ADGRG7: variants seen among roughly 807,000 people sequenced by gnomAD.
ADGRG7 encodes G-protein coupled receptor 128.
In ADGRG7, 82 loss-of-function variants were observed where a neutral mutation model predicts 88.6. The observed-to-expected ratio is 0.93, with a 90% CI of 0.77 to 1.11. ADGRG7 has a LOEUF of 1.11. Ranked by LOEUF, ADGRG7 falls within the 50% of genes most tolerant of loss-of-function variation. The pLI, the probability that ADGRG7 is intolerant of heterozygous loss-of-function variation, is 0.00. For synonymous variants in ADGRG7, 381 were observed against 345.2 expected, an observed-to-expected ratio of 1.10 and a Z score of -1.15; for missense variants, 945 against 953.4, an observed-to-expected ratio of 0.99 and a Z score of 0.12.
intron 15 of ADGRG7, among the ~76,000 whole-genome samples, chr3:100,669,396 G>GTCTCCTCCTACTGTAA (rs1278499819): frequency 1.3e-5 from 2 of 151,886 alleles, no homozygotes; most frequent in Non-Finnish European, 2.9e-5. Context: ...GTCTCCTGTA[G>GTCTCCTCCTACTGTAA]TCTCCTCCTA....
chr3:100,686,600 C>T (rs1321240401), intron 15 of ADGRG7, among the ~76,000 whole-genome samples: 1 of 152,172 alleles, frequency 6.6e-6, no homozygotes, highest in Non-Finnish European at 1.5e-5. Flanking sequence ...ATATGGCTAG[C>T]CAGTTTTCCC....
intron 14 of ADGRG7, among the ~76,000 whole-genome samples, chr3:100,668,092 G>T (rs186719994): frequency 6.2e-4 from 95 of 152,324 alleles, no homozygotes; most frequent in Non-Finnish European, 1.2e-3. Flanking sequence ...CCCTGCTTCA[G>T]CTCTCCCTCC....
At chr3:100,624,059 C>G (rs1005941167) in intron 1 of ADGRG7, among the ~76,000 whole-genome samples, 2 of 151,912 alleles carry the variant, frequency 1.3e-5, no homozygotes, top group Non-Finnish European at 2.9e-5. Flanking sequence ...TACCCACTAA[C>G]TGGATTAGTG....
chr3:100,690,659 A>C (rs930465648), intron 15 of ADGRG7, among the ~76,000 whole-genome samples: 3 of 152,210 alleles, frequency 2.0e-5, no homozygotes, highest in Non-Finnish European at 4.4e-5. Flanking sequence ...CCTGGGTATC[A>C]GCAGTGGTGG....
chr3:100,683,162 A>T (rs1576338930), intron 15 of ADGRG7, among the ~76,000 whole-genome samples: 1 of 152,090 alleles, frequency 6.6e-6, no homozygotes, highest in East Asian at 1.9e-4. Flanking sequence ...CGTCCTGCTC[A>T]CCCTCCACTT....
intron 1 of ADGRG7, among the ~76,000 whole-genome samples, chr3:100,612,525 T>A (rs144290251): frequency 3.4e-4 from 52 of 152,342 alleles, no homozygotes; most frequent in Middle Eastern, 3.4e-3. Context: ...TAAGCTTTAT[T>A]ATATTTCTTC....
intron 3 of ADGRG7, among the ~76,000 whole-genome samples, chr3:100,631,672 C>T (rs1486343548): frequency 6.6e-6 from 1 of 152,124 alleles, no homozygotes; most frequent in Non-Finnish European, 1.5e-5. Flanking sequence ...CGGCAATGGC[C>T]CTGAAGAGAA....
At chr3:100,681,290 G>C (rs1280353463) in intron 15 of ADGRG7, among the ~76,000 whole-genome samples, 5 of 150,200 alleles carry the variant, frequency 3.3e-5, no homozygotes, top group Non-Finnish European at 7.4e-5. Flanking sequence ...GTTATTGAAA[G>C]ACATCTTTTC....
chr3:100,632,811 GA>G (rs1202317806), intron 3 of ADGRG7, among the ~76,000 whole-genome samples: 2 of 152,000 alleles, frequency 1.3e-5, no homozygotes, highest in Non-Finnish European at 2.9e-5. Context: ...ATAATCCTAG[GA>G]AATAAACCAA....
chr3:100,654,907 C>A lies in ADGRG7; in HGVS notation c.1452C>A (p.Leu484=). 1 of 1,614,086 alleles carries A rather than the reference C, an allele frequency of 6.2e-7. No homozygotes were observed. The highest frequency in any genetic ancestry group is 8.5e-7 in the Non-Finnish European group (1 of 1,179,968). The change falls in exon 12 of 16, where the codon CTC becomes CTA. Residue 484 remains leucine (L), a synonymous_variant. Coordinates refer to ENST00000273352, the MANE Select transcript of ADGRG7 (RefSeq NM_032787.3). ...TATCAATGTTGATTTTCAACCTCCTCTTTGTGTTTGGAATTGAAAACTCCA... is the reference window on the plus strand; with the variant it reads ...TATCAATGTTGATTTTCAACCTCCTATTTGTGTTTGGAATTGAAAACTCCA... The part of the protein sequence containing the change: ...LCISMLIFNL[L]FVFGIENSNK...
At chr3:100,642,891 G>A (rs1485344763) in intron 6 of ADGRG7, among the ~76,000 whole-genome samples, 1 of 152,190 alleles carries the variant, frequency 6.6e-6, no homozygotes, top group Non-Finnish European at 1.5e-5. Flanking sequence ...AATGGAAATG[G>A]ATTCTCACCA....
At chr3:100,621,178 A>G (rs1294220672) in intron 1 of ADGRG7, among the ~76,000 whole-genome samples, 2 of 152,162 alleles carry the variant, frequency 1.3e-5, no homozygotes, top group Non-Finnish European at 2.9e-5. Context: ...CCCGAGACAC[A>G]ACATCGTTGA....
intron 11 of ADGRG7, among the ~76,000 whole-genome samples, chr3:100,650,243 T>A (rs952012681): frequency 6.6e-6 from 1 of 152,216 alleles, no homozygotes; most frequent in Non-Finnish European, 1.5e-5. Context: ...TGGTGAAAGT[T>A]TTTGAATCCC....
At chr3:100,682,930 A>G (rs1486971041) in intron 15 of ADGRG7, among the ~76,000 whole-genome samples, 1 of 152,200 alleles carries the variant, frequency 6.6e-6, no homozygotes, top group East Asian at 1.9e-4. Flanking sequence ...GGGTGCCATG[A>G]ATAGAGGCAG....
chr3:100,643,271 T>C lies in ADGRG7; in HGVS notation c.704T>C (p.Ile235Thr), dbSNP rs376767128. The C allele has an allele frequency of 1.7e-4, 273 of 1,612,812 alleles. No homozygotes were observed. The highest frequency in any genetic ancestry group is 2.3e-4 in the Non-Finnish European group (267 of 1,179,528). ...TTGTGTTTTATTATATGCAGGCTTATTGAGCAAATGGAGACTTATTCCTTG... is the reference window on the plus strand; with the variant it reads ...TTGTGTTTTATTATATGCAGGCTTACTGAGCAAATGGAGACTTATTCCTTG... ...TANDDALTTL[I>T]EQMETYSLSL... The change falls in exon 7 of 16, where the codon ATT becomes ACT. Residue 235 changes from isoleucine to threonine, a missense_variant. By Grantham distance (89) the Ile-to-Thr change is moderately conservative. Transcript: ENST00000273352.
At chr3:100,676,614 C>T (rs1311561718) in intron 15 of ADGRG7, among the ~76,000 whole-genome samples, 2 of 151,880 alleles carry the variant, frequency 1.3e-5, no homozygotes, top group African/African-American at 4.8e-5. Flanking sequence ...CTATTAGGCC[C>T]ATTTAGTATA....
At chr3:100,643,098 C>A (rs75566957) in intron 6 of ADGRG7, among the ~76,000 whole-genome samples, 168 bp from the exon 7 acceptor site, 3,549 of 152,270 alleles carry the variant, frequency 0.023, 110 homozygotes, top group African/African-American at 0.07. Flanking sequence ...GTACATATAA[C>A]ACAACAAAAC....
intron 5 of ADGRG7, among the ~76,000 whole-genome samples, chr3:100,636,251 T>C (rs776330205): frequency 9.2e-5 from 14 of 152,212 alleles, no homozygotes; most frequent in Non-Finnish European, 1.9e-4. Context: ...TTTTAGGAAG[T>C]CCTGGAATGC....
At chr3:100,622,218 C>T (rs1707321155) in intron 1 of ADGRG7, among the ~76,000 whole-genome samples, 1 of 149,254 alleles carries the variant, frequency 6.7e-6, no homozygotes, top group African/African-American at 2.5e-5. Context: ...ATCTATGATT[C>T]ATTTGAGATA....
Sources: gnomAD v4.1 joint callset for allele counts (sites outside exome capture counted in the v4.1 genomes callset) on GRCh38, gnomAD v4.1.1 for gene constraint, MANE v1.5 for transcripts, NCBI Gene and HGNC (gene_info 2026-07-23, HGNC 2026-07-21) for gene names.